TMA16: variants seen among roughly 807,000 people sequenced by gnomAD.
TMA16 encodes translation machinery associated 16 homolog, also known as translation machinery-associated protein 16.
In TMA16, 26 loss-of-function variants were observed where a neutral mutation model predicts 27.1. That is an observed-to-expected ratio of 0.96 (90% confidence interval 0.70 to 1.33). The LOEUF is 1.33. TMA16 is among the 40% of genes most tolerant of loss of function. TMA16 has a pLI of 0.00. For missense variants in TMA16, 233 were observed against 241.4 expected, an observed-to-expected ratio of 0.97 and a Z score of 0.23; for synonymous variants, 71 against 81.9, an observed-to-expected ratio of 0.87 and a Z score of 0.72.
intron 1 of TMA16, among the ~76,000 whole-genome samples, chr4:163,502,284 C>T (rs1315314290): frequency 6.6e-6 from 1 of 152,066 alleles, no homozygotes; most frequent in Non-Finnish European, 1.5e-5. Context: ...TTATAAATTA[C>T]TTTTATATTT....
rs1222828705 is a variant in TMA16, at chr4:163,520,015, A to G, written c.*501A>G. 3 of 609,930 alleles carry G rather than the reference A, an allele frequency of 4.9e-6. No individual in the cohort carries two copies. The highest frequency in any genetic ancestry group is 9.0e-6 in the Non-Finnish European group (3 of 333,242). The allele number at this position is 609,930 out of a possible 1,614,324, so 37.8% of individuals were successfully genotyped here. The stretch of plus-strand genomic sequence containing the variant: ...AAAATGTGATAAGAAGTTTGTATAC[A>G]TTTCTGGATTATAGATTATTATTTA... On this transcript the variant is annotated 3_prime_UTR_variant, in exon 7 of 7. Coordinates refer to ENST00000358572, the MANE Select transcript of TMA16 (RefSeq NM_018352.3).
chr4:163,514,428 G>A (rs935381827), intron 4 of TMA16, among the ~76,000 whole-genome samples: 14 of 152,126 alleles, frequency 9.2e-5, no homozygotes, highest in African/African-American at 3.4e-4. Context: ...GCAGATCGAG[G>A]CAAGGTAGTT....
chr4:163,519,662 T>A lies in TMA16; in HGVS notation c.*148T>A. The A allele has an allele frequency of 1.3e-6, 1 of 761,174 alleles. No homozygotes were observed. Among genetic ancestry groups the A allele is most frequent in the East Asian group, 3.1e-5 (1 of 32,226 alleles). The allele number at this position is 761,174 out of a possible 1,614,324, so 47.2% of individuals were successfully genotyped here. A position where few individuals can be genotyped will look rare whatever the true frequency, so the allele number is the denominator to read the frequency against. On this transcript the variant is annotated 3_prime_UTR_variant, in exon 7 of 7. Transcript: ENST00000358572. Reference sequence around the variant, plus strand: ...CATTTGCGTTTCAAAAATGGTGTTATGATACTTATTTTAAAATGAAGATTG... The same window carrying A: ...CATTTGCGTTTCAAAAATGGTGTTAAGATACTTATTTTAAAATGAAGATTG...
chr4:163,502,306 C>G (rs965843509), intron 1 of TMA16, among the ~76,000 whole-genome samples: 2 of 152,128 alleles, frequency 1.3e-5, no homozygotes, highest in Admixed American at 1.3e-4. Context: ...ATACCTCACA[C>G]TATTTTAAAG....
chr4:163,500,821 T>A (rs970431576), intron 1 of TMA16, among the ~76,000 whole-genome samples: 5 of 152,212 alleles, frequency 3.3e-5, no homozygotes, highest in African/African-American at 1.2e-4. Context: ...TTTTCACTTC[T>A]TATAAAAGAC....
At chr4:163,515,048 A>T (rs1213570538) in intron 4 of TMA16, among the ~76,000 whole-genome samples, 1 of 152,044 alleles carries the variant, frequency 6.6e-6, no homozygotes, top group Non-Finnish European at 1.5e-5. Flanking sequence ...GCTAACGGTG[A>T]AGCCACTAGG....
At position 163,494,755 on chromosome 4, in the gene TMA16, C is replaced by T. The variant is rs770075428; in HGVS notation, c.-47C>T. ...GCTGCTCCTGCGGTTGGTGAGATTACCTGGGTCTAGAGTGCGGAGCTGCTC... is the reference window on the plus strand; with the variant it reads ...GCTGCTCCTGCGGTTGGTGAGATTATCTGGGTCTAGAGTGCGGAGCTGCTC... On this transcript the variant is annotated 5_prime_UTR_variant, in exon 1 of 7. Transcript: ENST00000358572. 10 of 1,612,988 alleles carry T rather than the reference C, an allele frequency of 6.2e-6. No individual in the cohort carries two copies. Among genetic ancestry groups the T allele is most frequent in the Non-Finnish European group, 8.5e-6 (10 of 1,179,976 alleles).
At chr4:163,500,273 C>T (rs1737631181) in intron 1 of TMA16, among the ~76,000 whole-genome samples, 1 of 142,296 alleles carries the variant, frequency 7.0e-6, no homozygotes, top group African/African-American at 2.7e-5. Context: ...TATGGTGGTG[C>T]TATCTCAGCT....
chr4:163,499,591 C>T (rs903586139), intron 1 of TMA16, among the ~76,000 whole-genome samples: 2 of 152,214 alleles, frequency 1.3e-5, no homozygotes, highest in Middle Eastern at 3.4e-3. Flanking sequence ...CATGGATGCT[C>T]AGGTCCCTTA....
intron 1 of TMA16, among the ~76,000 whole-genome samples, chr4:163,499,787 T>C (rs1737618167): frequency 6.6e-6 from 1 of 152,198 alleles, no homozygotes; most frequent in East Asian, 1.9e-4. Context: ...TGTCCTCTGT[T>C]GGTAGAATAC....
chr4:163,511,700 CAGT>C (rs1444124980), intron 2 of TMA16, among the ~76,000 whole-genome samples: 1 of 150,156 alleles, frequency 6.7e-6, no homozygotes, highest in African/African-American at 2.4e-5. Flanking sequence ...TGGTATATAA[CAGT>C]AGTCCTAACT....
At chr4:163,513,700 C>T (rs1737830547) in intron 3 of TMA16, among the ~76,000 whole-genome samples, 1 of 152,182 alleles carries the variant, frequency 6.6e-6, no homozygotes. Context: ...TTATTAAATA[C>T]TCAGCAAATA....
intron 2 of TMA16, among the ~76,000 whole-genome samples, chr4:163,511,482 A>G (rs1345785270): frequency 6.6e-6 from 1 of 151,800 alleles, no homozygotes; most frequent in Non-Finnish European, 1.5e-5. Context: ...TGTTATGAAT[A>G]TTTTCTCCTA....
At chr4:163,494,847 C>T in intron 1 of TMA16, 43 bp downstream of exon 1, 1 of 1,609,146 alleles carries the variant, frequency 6.2e-7, no homozygotes, top group African/African-American at 1.3e-5. Flanking sequence ...GTTGGTTCCC[C>T]GGAAGGCTCT....
At chr4:163,506,142 T>G (rs1474634977) in intron 1 of TMA16, among the ~76,000 whole-genome samples, 3 of 152,168 alleles carry the variant, frequency 2.0e-5, no homozygotes, top group Admixed American at 2.0e-4. Flanking sequence ...ACCTTCAGAT[T>G]TTTCTTTTCC....
intron 6 of TMA16, among the ~76,000 whole-genome samples, chr4:163,517,727 A>C (rs189970509): frequency 5.3e-5 from 8 of 152,316 alleles, no homozygotes; most frequent in Admixed American, 4.6e-4. Context: ...ATAGTACCTC[A>C]AAGTATGTGA....
rs1464862321 is a variant in TMA16 at position 163,520,256 on chromosome 4, T to C, written c.*742T>C. On this transcript the variant is annotated 3_prime_UTR_variant, in exon 7 of 7. Transcript: ENST00000358572. Reference sequence around the variant, plus strand: ...ATTAGGGAACCAGTGATTTTAATTATGCTACTTTTTCTTCTAAGAGATAAA... The same window carrying C: ...ATTAGGGAACCAGTGATTTTAATTACGCTACTTTTTCTTCTAAGAGATAAA... The C allele has an allele frequency of 2.1e-5, 5 of 235,696 alleles. No homozygotes were observed. The highest frequency in any genetic ancestry group is 3.2e-5 in the Non-Finnish European group (4 of 124,242). The allele number at this position is 235,696 out of a possible 1,614,324, so 14.6% of individuals were successfully genotyped here. A position where few individuals can be genotyped will look rare whatever the true frequency, so the allele number is the denominator to read the frequency against.
intron 5 of TMA16, chr4:163,517,157 C>T (rs1381828293): frequency 5.6e-6 from 2 of 355,394 alleles, no homozygotes; most frequent in African/African-American, 4.4e-5. Flanking sequence ...CTGCCTCAGC[C>T]TTCCAAAGTG....
Position 163,519,563 on chromosome 4 carries a change from A to G in TMA16, c.*49A>G, listed in dbSNP as rs1197333358. The G allele has an allele frequency of 1.4e-6, 2 of 1,459,002 alleles. No homozygotes were observed. The highest frequency in any genetic ancestry group is 1.5e-5 in the African/African-American group (1 of 67,966). The allele number at this position is 1,459,002 out of a possible 1,614,324, so 90.4% of individuals were successfully genotyped here. On this transcript the variant is annotated 3_prime_UTR_variant, in exon 7 of 7. Coordinates refer to ENST00000358572, the MANE Select transcript of TMA16 (RefSeq NM_018352.3). ...AAATAATTTGAGAGCTTCAAATTAT[A>G]TTCATTGATTATGGTACCTAATTGT...
Sources: gnomAD v4.1 joint callset for allele counts (sites outside exome capture counted in the v4.1 genomes callset) on GRCh38, gnomAD v4.1.1 for gene constraint, MANE v1.5 for transcripts, NCBI Gene and HGNC (gene_info 2026-07-23, HGNC 2026-07-21) for gene names.